The following GRIN2B variants were observed in gnomAD, a reference collection of about 807,000 sequenced individuals.
The protein encoded by GRIN2B is glutamate receptor ionotropic, NMDA 2B.
A neutral mutation model predicts 114.5 loss-of-function variants in GRIN2B; 5 were observed. That is an observed-to-expected ratio of 0.04 (90% CI 0.02 to 0.09). The LOEUF (loss-of-function observed/expected upper bound fraction) is 0.09. GRIN2B is among the 10% of genes least tolerant of loss of function. GRIN2B has a pLI of 1.00. For synonymous variants in GRIN2B, 787 were observed against 745.1 expected (o/e 1.06, Z -0.92); for missense variants, 1,108 against 1,943.5 (o/e 0.57, Z 8.08).
intron 3 of GRIN2B, among the ~76,000 whole-genome samples, chr12:13,859,479 AC>A (rs1433299667): frequency 6.6e-6 from 1 of 152,248 alleles, no homozygotes; most frequent in Non-Finnish European, 1.5e-5. Context: ...AGCCAGCCAG[AC>A]AGAGCTACAT....
intron 2 of GRIN2B, among the ~76,000 whole-genome samples, chr12:13,915,285 C>T (rs573198009): frequency 1.3e-5 from 2 of 152,180 alleles, no homozygotes; most frequent in Admixed American, 6.5e-5. Context: ...ATACGTTAGT[C>T]ACACTGTACT....
chr12:13,782,313 C>T (rs931704223), intron 3 of GRIN2B, among the ~76,000 whole-genome samples: 7 of 151,868 alleles, frequency 4.6e-5, no homozygotes, highest in Non-Finnish European at 7.4e-5. Flanking sequence ...TCTCTCTCTC[C>T]CCGCTCCCTC....
intron 13 of GRIN2B, among the ~76,000 whole-genome samples, chr12:13,566,657 TA>T (rs1445381155): frequency 2.0e-5 from 3 of 152,230 alleles, no homozygotes; most frequent in Non-Finnish European, 2.9e-5. Context: ...TATGATTATT[TA>T]AATAGAAATG....
intron 4 of GRIN2B, among the ~76,000 whole-genome samples, chr12:13,727,966 G>A (rs1331441668): frequency 6.6e-6 from 1 of 152,186 alleles, no homozygotes; most frequent in Admixed American, 6.5e-5. Context: ...CCCTTTCACT[G>A]TAGCTCTTAC....
chr12:13,652,657 G>C (rs1246148985), intron 5 of GRIN2B, among the ~76,000 whole-genome samples: 1 of 152,142 alleles, frequency 6.6e-6, no homozygotes, highest in Admixed American at 6.6e-5. Context: ...ACACCAATGG[G>C]CAGGCGGCCT....
chr12:13,601,042 A>G (rs948409058), intron 10 of GRIN2B, among the ~76,000 whole-genome samples: 5 of 152,198 alleles, frequency 3.3e-5, no homozygotes, highest in Admixed American at 3.3e-4. Context: ...CTTTGAAAGG[A>G]TGGGGCTGGG....
chr12:13,719,775 G>A (rs1241886373), intron 4 of GRIN2B, among the ~76,000 whole-genome samples: 2 of 152,064 alleles, frequency 1.3e-5, no homozygotes, highest in Non-Finnish European at 2.9e-5. Flanking sequence ...ACAGGGTCAG[G>A]AGGAAATTCT....
intron 2 of GRIN2B, among the ~76,000 whole-genome samples, chr12:13,914,561 C>T (rs1866679121): frequency 6.6e-6 from 1 of 152,126 alleles, no homozygotes; most frequent in Non-Finnish European, 1.5e-5. Context: ...CCAGGAATCC[C>T]ACTAGTGGGT....
At chr12:13,669,319 A>G (rs1207401773) in intron 5 of GRIN2B, among the ~76,000 whole-genome samples, 1 of 152,082 alleles carries the variant, frequency 6.6e-6, no homozygotes, top group Non-Finnish European at 1.5e-5. Flanking sequence ...TTTAAAGAGA[A>G]TAAGTCATCA....
At chr12:13,844,995 C>T (rs563276183) in intron 3 of GRIN2B, among the ~76,000 whole-genome samples, 9 of 152,230 alleles carry the variant, frequency 5.9e-5, no homozygotes, top group Admixed American at 4.6e-4. Flanking sequence ...CTGCTGTACA[C>T]GAATTTCTCT....
intron 3 of GRIN2B, among the ~76,000 whole-genome samples, chr12:13,840,552 A>G (rs943007921): frequency 1.3e-5 from 2 of 152,184 alleles, no homozygotes; most frequent in East Asian, 3.8e-4. Flanking sequence ...ACCTCACAGG[A>G]TTATAGAAAA....
chr12:13,890,707 C>T (rs1207819683), intron 2 of GRIN2B, among the ~76,000 whole-genome samples: 1 of 152,068 alleles, frequency 6.6e-6, no homozygotes, highest in Non-Finnish European at 1.5e-5. Flanking sequence ...TATTGCTGTC[C>T]CTTGAACCAG....
In GRIN2B at chr12:13,601,851, G is replaced by T. The variant is rs115533484; in HGVS notation, c.2010+6752C>A. 5.7e-3 allele frequency among the ~76,000 whole-genome samples: 861 copies of T among 152,316 alleles called. 5 individuals are homozygous for T. The highest frequency in any genetic ancestry group is 0.02 in the African/African-American group (821 of 41,564). On this transcript the variant is annotated intron_variant, in intron 10 of 13. Transcript: ENST00000609686. Reference sequence around the variant, plus strand: ...CTACTAAGCCACAGGATGTTGAACTGAAGTTAAGGATCTCTTGTCTCAGTA... The same window carrying T: ...CTACTAAGCCACAGGATGTTGAACTTAAGTTAAGGATCTCTTGTCTCAGTA...
chr12:13,920,251 C>T lies in GRIN2B; in HGVS notation c.-18-54025G>A, dbSNP rs564344032. On this transcript the variant is annotated intron_variant, in intron 2 of 13. Transcript: ENST00000609686. ...CTATCTCAAGAAAAAAAAAAAAAAA[C>T]GGGGATTGGGAGAACTAGGAGGGTG... Among the ~76,000 whole-genome samples the T allele has an allele frequency of 3.0e-5, 4 of 134,124 alleles. No individual in the cohort carries two copies. In the South Asian group the frequency reaches 7.1e-4, roughly 24 times the overall value. 88.0% of individuals were successfully genotyped at this position (134,124 alleles called of 152,430 possible).
chr12:13,591,546 T>A (rs1393617587), intron 10 of GRIN2B, among the ~76,000 whole-genome samples: 1 of 152,190 alleles, frequency 6.6e-6, no homozygotes, highest in Admixed American at 6.5e-5. Flanking sequence ...CATAGCTTCT[T>A]GTCTTAGTTT....
chr12:13,776,514 G>A (rs974355664), intron 3 of GRIN2B, among the ~76,000 whole-genome samples: 9 of 152,262 alleles, frequency 5.9e-5, no homozygotes, highest in African/African-American at 2.2e-4. Context: ...ATTTCTCTTT[G>A]CACTTAAAGA....
intron 2 of GRIN2B, among the ~76,000 whole-genome samples, chr12:13,876,939 T>C (rs1865999290): frequency 6.6e-6 from 1 of 152,216 alleles, no homozygotes; most frequent in Non-Finnish European, 1.5e-5. Flanking sequence ...CTAACTCCAC[T>C]GATCAGAAAC....
intron 3 of GRIN2B, among the ~76,000 whole-genome samples, chr12:13,766,651 A>T (rs1330623413): frequency 1.3e-5 from 2 of 152,202 alleles, no homozygotes; most frequent in Non-Finnish European, 2.9e-5. Context: ...TCATCTCAGA[A>T]GATTAGATTA....
chr12:13,920,273 G>A (rs1866801141), intron 2 of GRIN2B, among the ~76,000 whole-genome samples: 1 of 151,680 alleles, frequency 6.6e-6, no homozygotes, highest in East Asian at 1.9e-4. Flanking sequence ...GAACTAGGAG[G>A]GTGGAGAGTA....
Sources: allele counts gnomAD v4.1 joint callset (sites outside exome capture counted in the v4.1 genomes callset), GRCh38; gene constraint gnomAD v4.1.1; transcripts MANE v1.5; gene names NCBI Gene and HGNC (gene_info 2026-07-23, HGNC 2026-07-21).